FBXO25: variants seen among roughly 807,000 people sequenced by gnomAD.
FBXO25 encodes F-box protein 25, also known as F-box only protein 25.
In FBXO25, 45 loss-of-function variants were observed where a neutral mutation model predicts 51.9. The ratio of observed to expected loss-of-function variants is 0.87; its 90% CI spans 0.68 to 1.11. The LOEUF (loss-of-function observed/expected upper bound fraction) is 1.11, where lower values mean the gene tolerates loss of function less well. Among genes scored for constraint, FBXO25 ranks in the 50% most tolerant of loss-of-function variants. The pLI is 0.00. For missense variants in FBXO25, 507 were observed against 428.5 expected (o/e 1.18, Z -1.62); for synonymous variants, 199 against 151.0 (o/e 1.32, Z -2.33).
intron 9 of FBXO25, among the ~76,000 whole-genome samples, chr8:466,362 G>C (rs890445059): frequency 6.6e-6 from 1 of 152,132 alleles, no homozygotes; most frequent in Non-Finnish European, 1.5e-5. Flanking sequence ...TTGGTTTGAC[G>C]CCATGACCCA....
At chr8:435,563 C>T (rs1290215398) in intron 4 of FBXO25, 52 bp from the exon 5 acceptor site, 1 of 1,579,162 alleles carries the variant, frequency 6.3e-7, no homozygotes, top group Non-Finnish European at 8.5e-7. Flanking sequence ...ACATTAACTG[C>T]CAATTCTTTT....
At chr8:432,404 A>G (rs1234553633) in intron 3 of FBXO25, among the ~76,000 whole-genome samples, 1 of 152,104 alleles carries the variant, frequency 6.6e-6, no homozygotes, top group Non-Finnish European at 1.5e-5. Flanking sequence ...GACTGTGGGT[A>G]ATTGAAACTG....
chr8:406,986 G>T lies in FBXO25; in HGVS notation c.-88G>T, dbSNP rs1436754497. The stretch of plus-strand genomic sequence containing the variant: ...AACCGCCTGGTCGCCGTCAGGTGCG[G>T]GCCCAGGTGGCCGGCGCGCCCGTTG... On this transcript the variant is annotated 5_prime_UTR_variant, in exon 1 of 10. Coordinates refer to ENST00000350302, the MANE Select transcript of FBXO25 (RefSeq NM_183420.2). 3 of 152,272 alleles carry T rather than the reference G, an allele frequency of 2.0e-5. No homozygotes were observed. Among genetic ancestry groups the T allele is most frequent in the African/African-American group, 7.2e-5 (3 of 41,452 alleles). 9.4% of individuals were successfully genotyped at this position (152,272 alleles called of 1,614,324 possible). A position where few individuals can be genotyped will look rare whatever the true frequency, so the allele number is the denominator to read the frequency against.
intron 2 of FBXO25, among the ~76,000 whole-genome samples, chr8:419,926 A>G (rs990898393): frequency 6.6e-6 from 1 of 152,188 alleles, no homozygotes; most frequent in Non-Finnish European, 1.5e-5. Context: ...CAATAAGAAA[A>G]CAACCCAGTA....
At chr8:445,416 C>G (rs552021985) in intron 5 of FBXO25, among the ~76,000 whole-genome samples, 51 of 152,324 alleles carry the variant, frequency 3.3e-4, no homozygotes, top group African/African-American at 1.1e-3. Context: ...CAGTTCCAAA[C>G]CCAAATGTTG....
At chr8:444,783 C>G (rs1330560996) in intron 5 of FBXO25, among the ~76,000 whole-genome samples, 7 of 152,130 alleles carry the variant, frequency 4.6e-5, no homozygotes. Flanking sequence ...TTTAGATATA[C>G]AGATACTTGC....
At chr8:462,134 T>A (rs1035604678) in intron 8 of FBXO25, among the ~76,000 whole-genome samples, 1 of 152,198 alleles carries the variant, frequency 6.6e-6, no homozygotes, top group African/African-American at 2.4e-5. Context: ...GGTCTCTTGA[T>A]TCTCCACCCC....
rs749168036 is a variant in FBXO25 at position 468,759 on chromosome 8, C to A, written c.1032C>A (p.Phe344Leu). 3 of 1,613,944 alleles carry A rather than the reference C, an allele frequency of 1.9e-6. No individual in the cohort carries two copies. The South Asian group carries it at 3.3e-5, about 18-fold the overall frequency. ...CGGCGGCCGACCCTGACAGCTGCTTCACGCCTGTGTCTCCGCAGCACTTCA... is the reference window on the plus strand; with the variant it reads ...CGGCGGCCGACCCTGACAGCTGCTTAACGCCTGTGTCTCCGCAGCACTTCA... ...PCTAADPDSC[F>L]TPVSPQHFID... is the part of the protein sequence containing the mutation. Residue 344 changes from phenylalanine (F) to leucine (L), a missense_variant, in exon 10 of 10, where the codon TTC becomes TTA. Transcript: ENST00000350302.
chr8:474,461 T>C lies in FBXO25; in HGVS notation c.*5657T>C, dbSNP rs77219092. 20,504 of 308,610 alleles carry C rather than the reference T, an allele frequency of 0.066. 929 individuals carry two copies. The highest frequency in any genetic ancestry group is 0.14 in the African/African-American group (6,151 of 44,710). The allele number at this position is 308,610 out of a possible 1,614,324, so 19.1% of individuals were successfully genotyped here. ...TATGGCAATCCTATGTTTAATTTCT[T>C]AGGGCACTGCCATAAGTGTTTTACA... On this transcript the variant is annotated 3_prime_UTR_variant, in exon 10 of 10. Coordinates refer to ENST00000350302, the MANE Select transcript of FBXO25 (RefSeq NM_183420.2).
chr8:472,262 G>A lies in FBXO25; in HGVS notation c.*3458G>A, dbSNP rs556305620. The A allele has an allele frequency of 2.6e-4, 39 of 152,226 alleles. No individual in the cohort carries two copies. Among genetic ancestry groups the A allele is most frequent in the African/African-American group, 7.9e-4 (33 of 41,546 alleles). 9.4% of individuals were successfully genotyped at this position (152,226 alleles called of 1,614,324 possible). A position where few individuals can be genotyped will look rare whatever the true frequency, so the allele number is the denominator to read the frequency against. ...CTTCTATTCCTAGTTTGTTTTTATC[G>A]TGAAAGGGTGTGGATTTTGTCAAAT... On this transcript the variant is annotated 3_prime_UTR_variant, in exon 10 of 10. Transcript: ENST00000350302.
intron 2 of FBXO25, among the ~76,000 whole-genome samples, chr8:422,192 T>C (rs1419524919): frequency 1.3e-5 from 2 of 152,194 alleles, no homozygotes; most frequent in Admixed American, 6.5e-5. Context: ...AACAGTACTT[T>C]ACAGTGGAGA....
chr8:413,404 G>T (rs529618908), intron 2 of FBXO25, among the ~76,000 whole-genome samples, 191 bp downstream of exon 2: 2 of 151,748 alleles, frequency 1.3e-5, no homozygotes, highest in Non-Finnish European at 2.9e-5. Flanking sequence ...AGATGCTTTC[G>T]TCTTTTTTTT....
At position 451,414 on chromosome 8, in the gene FBXO25, C is replaced by T. The variant is rs200806337; in HGVS notation, c.621C>T (p.Leu207=). 3.5e-5 allele frequency: 57 copies of T among 1,613,842 alleles called. No homozygotes were observed. In the Admixed American group the frequency reaches 7.8e-4, roughly 22 times the overall value. The change falls in exon 7 of 10, where the codon CTC becomes CTT. Residue 207 remains leucine, a synonymous_variant. Transcript: ENST00000350302. ...GGATTTGCCGATTAGAAACTATTCTCGCCTGGCAACAACAGCTACAGGATC... is the reference window on the plus strand; with the variant it reads ...GGATTTGCCGATTAGAAACTATTCTTGCCTGGCAACAACAGCTACAGGATC... ...NIWICRLETI[L]AWQQQLQDLQ... is the part of the protein sequence containing the mutation.
At chr8:461,717 G>A (rs769892764) in intron 8 of FBXO25, among the ~76,000 whole-genome samples, 2 of 152,092 alleles carry the variant, frequency 1.3e-5, no homozygotes, top group African/African-American at 2.4e-5. Context: ...CTGTCTCTGT[G>A]TTTCCCTGTT....
chr8:474,056 T>C lies in FBXO25; in HGVS notation c.*5252T>C, dbSNP rs1009013610. The stretch of plus-strand genomic sequence containing the variant: ...TATCCACAAGTTCAACTTTACAAGA[T>C]GAACTTTTGTCATCTTGTAAAACTG... On this transcript the variant is annotated 3_prime_UTR_variant, in exon 10 of 10. Transcript: ENST00000350302. 6.6e-6 allele frequency: 1 copy of C among 152,264 alleles called. No homozygotes were observed. The highest frequency in any genetic ancestry group is 1.5e-5 in the Non-Finnish European group (1 of 68,128). 9.4% of individuals were successfully genotyped at this position (152,264 alleles called of 1,614,324 possible).
At chr8:452,590 G>T (rs549966096) in intron 7 of FBXO25, among the ~76,000 whole-genome samples, 2 of 152,234 alleles carry the variant, frequency 1.3e-5, no homozygotes, top group African/African-American at 2.4e-5. Context: ...TCTGGGGAGA[G>T]AATAGGGTGT....
rs1188412283 is a variant in FBXO25 at position 435,618 on chromosome 8, C to T, written c.292C>T (p.His98Tyr). 4 of 1,604,738 alleles carry T rather than the reference C, an allele frequency of 2.5e-6. No homozygotes were observed. The highest frequency in any genetic ancestry group is 3.5e-5 in the Admixed American group (2 of 57,436). ...YVHKESTKER[H>Y]GYCTLGEAFN... is the part of the protein sequence containing the mutation. ...AACTTCTGTGTTGCTTTTCCAGAGG[C>T]ATGGCTATTGCACCTTGGGAGAAGC... is the stretch of plus-strand genomic sequence containing the variant. Residue 98 changes from histidine (H) to tyrosine (Y), a missense_variant, in exon 5 of 10, where the codon CAT becomes TAT. His to Tyr is a moderately conservative substitution (Grantham distance 83). Transcript: ENST00000350302.
At chr8:468,584 TTATC>T in intron 9 of FBXO25, 127 bp from the exon 10 acceptor site, 1 of 639,662 alleles carries the variant, frequency 1.6e-6, no homozygotes, top group Middle Eastern at 3.6e-4. Flanking sequence ...CTCATCCAAG[TTATC>T]TCCCATGTAC....
intron 8 of FBXO25, 53 bp from the exon 9 acceptor site, chr8:462,954 T>G (rs968637944): frequency 3.2e-6 from 5 of 1,558,634 alleles, no homozygotes; most frequent in Non-Finnish European, 4.3e-6. Flanking sequence ...CACCTAATAT[T>G]ATGTTTTGAA....
Sources: gnomAD v4.1 joint callset for allele counts (sites outside exome capture counted in the v4.1 genomes callset) on GRCh38, gnomAD v4.1.1 for gene constraint, MANE v1.5 for transcripts, NCBI Gene and HGNC (gene_info 2026-07-23, HGNC 2026-07-21) for gene names.